Variants in SLC5A7 observed in about 807,000 individuals in gnomAD.
SLC5A7 encodes solute carrier family 5 member 7.
Under a neutral mutation model 55.4 loss-of-function variants are expected in SLC5A7, and 19 were observed. The observed-to-expected ratio is 0.34, with a 90% CI of 0.24 to 0.50. The LOEUF (loss-of-function observed/expected upper bound fraction) is 0.50, where lower values mean the gene tolerates loss of function less well. Among genes scored for constraint, SLC5A7 ranks in the 20% least tolerant of loss-of-function variants. The probability of loss-of-function intolerance (pLI) is 0.98; values close to 1 mark genes in which losing one functional copy is unlikely to be tolerated. For synonymous variants in SLC5A7, 265 were observed against 263.7 expected, an observed-to-expected ratio of 1.00 and a Z score of -0.05; for missense variants, 506 against 705.3, an observed-to-expected ratio of 0.72 and a Z score of 3.20.
In SLC5A7 at chr2:107,998,180, A is replaced by G. The variant is rs17269279; in HGVS notation, c.597+194A>G. 0.043 allele frequency among the ~76,000 whole-genome samples: 6,526 copies of G among 152,338 alleles called. 151 individuals are homozygous for G. Among genetic ancestry groups the G allele is most frequent in the Non-Finnish European group, 0.061 (4,121 of 68,032 alleles). ...TCGTCATTTTGATAAAATTTGACAG[A>G]AAAGTGTGCTCTCCATTGGACTGTT... On this transcript the variant is annotated intron_variant, in intron 5 of 8. Transcript: ENST00000264047.
In SLC5A7 at chr2:107,986,564, C is replaced by CGA. The variant is rs1677243733; in HGVS notation, c.-251_-250insGA. The CGA allele has an allele frequency of 6.5e-6, 1 of 152,900 alleles. No individual in the cohort carries two copies. Among genetic ancestry groups the CGA allele is most frequent in the African/African-American group, 2.4e-5 (1 of 41,480 alleles). 9.5% of individuals were successfully genotyped at this position (152,900 alleles called of 1,614,324 possible). On this transcript the variant is annotated 5_prime_UTR_variant, in exon 1 of 9. Transcript: ENST00000264047. Reference sequence around the variant, plus strand: ...CTGCGCCGCGCGCCCTCCGCCGGCGCCAACACCTGTCAACTCTGCGCGCTC... The same window carrying CGA: ...CTGCGCCGCGCGCCCTCCGCCGGCGCGACAACACCTGTCAACTCTGCGCGCTC...
chr2:108,009,315 T>C (rs1444269780), intron 8 of SLC5A7, among the ~76,000 whole-genome samples: 1 of 152,170 alleles, frequency 6.6e-6, no homozygotes, highest in Non-Finnish European at 1.5e-5. Flanking sequence ...AGGAACTCCT[T>C]GAACAAGGCA....
intron 4 of SLC5A7, among the ~76,000 whole-genome samples, chr2:107,996,545 C>T (rs1484474544): frequency 6.6e-6 from 1 of 152,170 alleles, no homozygotes; most frequent in Admixed American, 6.5e-5. Flanking sequence ...CTGGCTGCAA[C>T]TGATGATACA....
At chr2:108,008,074 C>T (rs562933278) in intron 7 of SLC5A7, among the ~76,000 whole-genome samples, 11 of 152,174 alleles carry the variant, frequency 7.2e-5, no homozygotes, top group Non-Finnish European at 1.3e-4. Flanking sequence ...TGTCTTTCTT[C>T]ATTTACACAT....
chr2:108,006,262 C>T (rs1338148066), intron 7 of SLC5A7, 60 bp downstream of exon 7: 6 of 1,584,718 alleles, frequency 3.8e-6, no homozygotes, highest in Non-Finnish European at 5.2e-6. Flanking sequence ...CACCCAGACA[C>T]CCTTCTGTCC....
chr2:108,008,506 A>G lies in SLC5A7; in HGVS notation c.937A>G (p.Thr313Ala). The change falls in exon 8 of 9, where the codon ACA becomes GCA. Residue 313 changes from threonine to alanine, a missense_variant. Thr to Ala is a moderately conservative substitution (Grantham distance 58). Coordinates refer to ENST00000264047, the MANE Select transcript of SLC5A7 (RefSeq NM_021815.5). The stretch of plus-strand genomic sequence containing the variant: ...ATATGGGCTTCCAGATCCCAAGACT[A>G]CAGAAGAGGCAGACATGATTTTACC... ...TAYGLPDPKT[T>A]EEADMILPIV... 6.2e-7 allele frequency: 1 copy of G among 1,613,724 alleles called. No homozygotes were observed. Among genetic ancestry groups the G allele is most frequent in the East Asian group, 2.2e-5 (1 of 44,848 alleles).
In SLC5A7 at chr2:108,013,201, A is replaced by G. The variant is rs1678407063; in HGVS notation, c.*2340A>G. On this transcript the variant is annotated 3_prime_UTR_variant, in exon 9 of 9. Transcript: ENST00000264047. ...TCAATTTCTCACAATAGACAGAAAC[A>G]GGGGGAAAATGTTTGCCCTGTTCAA... The G allele has an allele frequency of 6.7e-6, 1 of 148,258 alleles. No individual in the cohort carries two copies. Among genetic ancestry groups the G allele is most frequent in the Admixed American group, 6.6e-5 (1 of 15,082 alleles). The allele number at this position is 148,258 out of a possible 1,614,324, so 9.2% of individuals were successfully genotyped here.
At chr2:107,995,089 G>GT (rs1315793196) in intron 4 of SLC5A7, among the ~76,000 whole-genome samples, 1 of 152,160 alleles carries the variant, frequency 6.6e-6, no homozygotes. Flanking sequence ...CAATTTTGAT[G>GT]TTGTGTGAAC....
In SLC5A7 at chr2:108,012,646, A is replaced by G. The variant is rs1165626686; in HGVS notation, c.*1785A>G. The G allele has an allele frequency of 6.6e-6, 1 of 152,142 alleles. No individual in the cohort carries two copies. The highest frequency in any genetic ancestry group is 2.4e-5 in the African/African-American group (1 of 41,454). The allele number at this position is 152,142 out of a possible 1,614,324, so 9.4% of individuals were successfully genotyped here. A position where few individuals can be genotyped will look rare whatever the true frequency, so the allele number is the denominator to read the frequency against. On this transcript the variant is annotated 3_prime_UTR_variant, in exon 9 of 9. Transcript: ENST00000264047. ...ATTCAAAATCTTCACTGAATATCAT[A>G]TGTATCTAAATGAAAAGAGAATTAC... is the stretch of plus-strand genomic sequence containing the variant.
At chr2:108,003,938 T>TGTA (rs1678011841) in intron 6 of SLC5A7, among the ~76,000 whole-genome samples, 1 of 152,192 alleles carries the variant, frequency 6.6e-6, no homozygotes, top group Admixed American at 6.5e-5. Flanking sequence ...GGTTGCAGAC[T>TGTA]GTACACTTCT....
Position 108,010,575 on chromosome 2 carries a change from C to T in SLC5A7, c.1457C>T (p.Thr486Ile). 1.9e-6 allele frequency: 3 copies of T among 1,613,938 alleles called. No homozygotes were observed. The highest frequency in any genetic ancestry group is 2.5e-6 in the Non-Finnish European group (3 of 1,179,930). Residue 486 changes from threonine (T) to isoleucine (I), a missense_variant, in exon 9 of 9, where the codon ACA becomes ATA. Physicochemically the swap from Thr to Ile is moderately conservative, Grantham distance 89 (BLOSUM62 -1). Transcript: ENST00000264047. The part of the protein sequence containing the change: ...KFPFKTLAMV[T>I]SFLTNICISY... ...CCATTTAAAACACTTGCCATGGTTA[C>T]ATCATTCTTAACCAACATTTGCATC... is the stretch of plus-strand genomic sequence containing the variant.
At chr2:108,004,660 C>A (rs1678036060) in intron 6 of SLC5A7, among the ~76,000 whole-genome samples, 2 of 152,188 alleles carry the variant, frequency 1.3e-5, no homozygotes, top group South Asian at 4.1e-4. Context: ...CTTCCAGCTT[C>A]TCCTCCAACC....
intron 6 of SLC5A7, among the ~76,000 whole-genome samples, 174 bp downstream of exon 6, chr2:108,002,214 T>C (rs1677940364): frequency 6.6e-6 from 1 of 152,016 alleles, no homozygotes; most frequent in African/African-American, 2.4e-5. Context: ...TGGCTGGCAG[T>C]GTCAGGGTGG....
intron 4 of SLC5A7, among the ~76,000 whole-genome samples, chr2:107,997,363 T>C (rs1234282829): frequency 6.6e-6 from 1 of 152,200 alleles, no homozygotes; most frequent in East Asian, 1.9e-4. Context: ...CCATGTAGCC[T>C]AGGTGTGTAG....
intron 6 of SLC5A7, 30 bp downstream of exon 6, chr2:108,002,070 A>T: frequency 6.3e-7 from 1 of 1,582,900 alleles, no homozygotes; most frequent in Non-Finnish European, 8.6e-7. Flanking sequence ...GAAGAATGTG[A>T]TTTAATTGTT....
chr2:108,001,905 C>T lies in SLC5A7; in HGVS notation c.606C>T (p.Ser202=), dbSNP rs1360686194. ...GTCACTTTCTGTTGCAGTGGATCAG[C>T]GTCCCCTTTGCATTGTCACATCCTG... ...LFCIFVGLWI[S]VPFALSHPAV... The change falls in exon 6 of 9, where the codon AGC becomes AGT. Residue 202 remains serine, a synonymous_variant. Coordinates refer to ENST00000264047, the MANE Select transcript of SLC5A7 (RefSeq NM_021815.5). 1 of 1,613,914 alleles carries T rather than the reference C, an allele frequency of 6.2e-7. No individual in the cohort carries two copies. Among genetic ancestry groups the T allele is most frequent in the Non-Finnish European group, 8.5e-7 (1 of 1,179,972 alleles).
chr2:108,005,168 G>A (rs1216651651), intron 6 of SLC5A7, among the ~76,000 whole-genome samples: 5 of 152,030 alleles, frequency 3.3e-5, no homozygotes, highest in South Asian at 4.1e-4. Context: ...ATTTGATGCC[G>A]GCTGTATTGC....
chr2:108,008,357 A>G lies in SLC5A7; in HGVS notation c.896-108A>G, dbSNP rs555616304. 5.2e-6 allele frequency: 4 copies of G among 767,960 alleles called. No individual in the cohort carries two copies. In the East Asian group the frequency reaches 8.0e-5, roughly 15 times the overall value. 47.6% of individuals were successfully genotyped at this position (767,960 alleles called of 1,614,324 possible). ...TGGACTTCACACCAGACTAATGTAT[A>G]TGATTCTGAGTTTATTTCAAAACAA... On this transcript the variant is annotated intron_variant, in intron 7 of 8. Coordinates refer to ENST00000264047, the MANE Select transcript of SLC5A7 (RefSeq NM_021815.5).
intron 4 of SLC5A7, among the ~76,000 whole-genome samples, chr2:107,994,961 G>A (rs889088729): frequency 7.9e-5 from 12 of 152,084 alleles, no homozygotes; most frequent in East Asian, 1.9e-4. Context: ...ATATAGTAAC[G>A]AAACTGTGAA....
Sources: allele counts gnomAD v4.1 joint callset (sites outside exome capture counted in the v4.1 genomes callset), GRCh38; gene constraint gnomAD v4.1.1; transcripts MANE v1.5; gene names NCBI Gene and HGNC (gene_info 2026-07-23, HGNC 2026-07-21).